The following NRXN1 variants were observed in gnomAD, a reference collection of about 807,000 sequenced individuals.
The protein encoded by NRXN1 is neurexin 1.
NRXN1 carries 39 observed loss-of-function variants against 150.9 expected under a neutral mutation model. The observed-to-expected ratio is 0.26, with a 90% confidence interval of 0.20 to 0.34. NRXN1 has a LOEUF of 0.34. NRXN1 is among the 10% of genes least tolerant of loss of function. The pLI, the probability that NRXN1 is intolerant of heterozygous loss-of-function variation, is 1.00. For missense variants in NRXN1, 1,815 were observed against 1,949.9 expected, an observed-to-expected ratio of 0.93 and a Z score of 1.30; for synonymous variants, 924 against 757.0, an observed-to-expected ratio of 1.22 and a Z score of -3.62.
At chr2:50,037,995 T>G (rs1690307761) in intron 21 of NRXN1, among the ~76,000 whole-genome samples, 1 of 152,134 alleles carries the variant, frequency 6.6e-6, no homozygotes. Context: ...AAGAAATTAC[T>G]TGAAATGTAG....
chr2:50,560,560 G>T (rs995412605), intron 8 of NRXN1, among the ~76,000 whole-genome samples: 1 of 152,066 alleles, frequency 6.6e-6, no homozygotes, highest in Non-Finnish European at 1.5e-5. Flanking sequence ...AGCCTCTGGA[G>T]TAGCTGGGAC....
intron 2 of NRXN1, among the ~76,000 whole-genome samples, chr2:50,958,627 T>A (rs1417896554): frequency 6.6e-6 from 1 of 152,098 alleles, no homozygotes; most frequent in Non-Finnish European, 1.5e-5. Context: ...TGCAAGATAA[T>A]GCCATTTGTA....
At chr2:50,136,205 T>G (rs1306503626) in intron 18 of NRXN1, among the ~76,000 whole-genome samples, 1 of 152,208 alleles carries the variant, frequency 6.6e-6, no homozygotes, top group Non-Finnish European at 1.5e-5. Context: ...GGAGAGCATA[T>G]TCATTTTTTT....
At chr2:50,094,527 C>A (rs1178843140) in intron 18 of NRXN1, among the ~76,000 whole-genome samples, 4 of 152,024 alleles carry the variant, frequency 2.6e-5, no homozygotes, top group Admixed American at 6.6e-5. Flanking sequence ...AGGTAGTGAG[C>A]AAACTAGTAT....
At chr2:50,037,727 G>T (rs868381854) in intron 21 of NRXN1, among the ~76,000 whole-genome samples, 1 of 152,080 alleles carries the variant, frequency 6.6e-6, no homozygotes, top group Non-Finnish European at 1.5e-5. Flanking sequence ...GAGTACAAAC[G>T]ATTATTACTA....
chr2:50,660,792 C>T (rs150388714), intron 5 of NRXN1, among the ~76,000 whole-genome samples: 20 of 152,108 alleles, frequency 1.3e-4, no homozygotes, highest in East Asian at 2.0e-4. Context: ...CAGAACCTCA[C>T]GTAGTCCATT....
At chr2:50,475,720 A>G (rs1008398898) in intron 15 of NRXN1, among the ~76,000 whole-genome samples, 9 of 152,090 alleles carry the variant, frequency 5.9e-5, no homozygotes, top group Admixed American at 1.3e-4. Flanking sequence ...TACTGTTTAT[A>G]AACTCTTTGA....
chr2:51,027,976 G>A lies in NRXN1; in HGVS notation c.298C>T (p.Pro100Ser), dbSNP rs1467238746. 6 of 1,601,602 alleles carry A rather than the reference G, an allele frequency of 3.7e-6. No homozygotes were observed. The highest frequency in any genetic ancestry group is 5.1e-6 in the Non-Finnish European group (6 of 1,179,360). The change falls in exon 2 of 23, where the codon CCT becomes TCT. Residue 100 changes from proline (P) to serine (S), a missense_variant. Physicochemically the swap from Pro to Ser is moderately conservative, Grantham distance 74. This residue lies in a region of NRXN1 where 554 missense variants were observed against 478.8 expected (regional missense o/e 1.16). Coordinates refer to ENST00000401669, the MANE Select transcript of NRXN1 (RefSeq NM_001330078.2). ...GGCGTGTCGGCCAGGAGCGTCGCAG[G>A]CTCAGCGCAGAAGATGGAGAAGCTG... ...QLSFSIFCAE[P>S]ATLLADTPVN...
chr2:50,367,111 T>A (rs1214775881), intron 17 of NRXN1, among the ~76,000 whole-genome samples: 1 of 151,982 alleles, frequency 6.6e-6, no homozygotes, highest in Non-Finnish European at 1.5e-5. Context: ...AGATGCATTT[T>A]AGGAAAGTTA....
intron 17 of NRXN1, among the ~76,000 whole-genome samples, chr2:50,302,503 T>C (rs1159687467): frequency 6.6e-6 from 1 of 152,182 alleles, no homozygotes; most frequent in East Asian, 1.9e-4. Flanking sequence ...ATGCCTTGAT[T>C]GACAATTAAT....
At chr2:50,361,946 T>A (rs1367637208) in intron 17 of NRXN1, among the ~76,000 whole-genome samples, 1 of 152,174 alleles carries the variant, frequency 6.6e-6, no homozygotes, top group Non-Finnish European at 1.5e-5. Context: ...TGATTCAGCA[T>A]ACACAAATCA....
intron 5 of NRXN1, among the ~76,000 whole-genome samples, chr2:50,789,633 G>A (rs1014160608): frequency 2.0e-5 from 3 of 152,090 alleles, no homozygotes; most frequent in African/African-American, 7.2e-5. Flanking sequence ...GAAGGTATAC[G>A]GAAAGACGAC....
chr2:51,002,808 G>T (rs191385962), intron 2 of NRXN1, among the ~76,000 whole-genome samples: 46 of 151,946 alleles, frequency 3.0e-4, no homozygotes, highest in African/African-American at 1.1e-3. Context: ...AAACTAATAG[G>T]GTGACTTTTT....
intron 18 of NRXN1, among the ~76,000 whole-genome samples, chr2:50,214,156 A>T (rs916996782): frequency 5.3e-5 from 8 of 151,960 alleles, no homozygotes; most frequent in Non-Finnish European, 1.2e-4. Context: ...CAGCTTATCT[A>T]CATACTGAGT....
chr2:49,982,015 G>A (rs1315959247), intron 21 of NRXN1, among the ~76,000 whole-genome samples: 2 of 152,202 alleles, frequency 1.3e-5, no homozygotes, highest in African/African-American at 4.8e-5. Flanking sequence ...TGATCCTGAC[G>A]TAGGTTGTTT....
At chr2:50,901,570 C>T (rs766426610) in intron 5 of NRXN1, among the ~76,000 whole-genome samples, 13 of 152,042 alleles carry the variant, frequency 8.6e-5, no homozygotes, top group African/African-American at 2.4e-4. Flanking sequence ...GATGAGAAAA[C>T]ATTAATTATG....
rs538751052 is a variant in NRXN1 at position 50,352,982 on chromosome 2, A to T, written c.3364+112460T>A. Among the ~76,000 whole-genome samples the T allele has an allele frequency of 2.9e-3, 434 of 152,084 alleles. 1 individual carries two copies. The highest frequency in any genetic ancestry group is 4.6e-3 in the Non-Finnish European group (315 of 67,952). ...AGATATAGATTGGTGAATTCAGTCA[A>T]CTTAGCTATTACCTAGCACCTCCCC... On this transcript the variant is annotated intron_variant, in intron 17 of 22. Transcript: ENST00000401669.
At chr2:50,334,192 A>AATTTT (rs57808424) in intron 17 of NRXN1, among the ~76,000 whole-genome samples, 29 of 118,952 alleles carry the variant, frequency 2.4e-4, no homozygotes, top group African/African-American at 9.9e-4. Flanking sequence ...ACCAGGACCA[A>AATTTT]ATATATATAT....
chr2:50,224,688 GGAGAAAGAGAGAGA>G (rs1383718293), intron 18 of NRXN1, among the ~76,000 whole-genome samples: 1 of 86,080 alleles, frequency 1.2e-5, no homozygotes, highest in Non-Finnish European at 2.4e-5. Flanking sequence ...AGAGAGAGAG[GGAGAAAGAGAGAGA>G]GAGAGAGAGA....
Sources: gnomAD v4.1 joint callset for allele counts (sites outside exome capture counted in the v4.1 genomes callset) on GRCh38, gnomAD v4.1.1 for gene constraint, gnomAD v4.1.1 regional missense constraint, MANE v1.5 for transcripts, NCBI Gene and HGNC (gene_info 2026-07-23, HGNC 2026-07-21) for gene names.